CYP4F22: variants seen among roughly 807,000 people sequenced by gnomAD.
The protein encoded by CYP4F22 is ultra-long-chain fatty acid omega-hydroxylase.
Under a neutral mutation model 60.4 loss-of-function variants are expected in CYP4F22, and 37 were observed. The observed-to-expected ratio is 0.61, with a 90% CI of 0.47 to 0.81. The LOEUF (loss-of-function observed/expected upper bound fraction) is 0.81. Among genes scored for constraint, CYP4F22 ranks in the 30% least tolerant of loss-of-function variants. The pLI, the probability that CYP4F22 is intolerant of heterozygous loss-of-function variation, is 0.00. For synonymous variants in CYP4F22, 258 were observed against 280.5 expected, an observed-to-expected ratio of 0.92 and a Z score of 0.80; for missense variants, 655 against 715.0, an observed-to-expected ratio of 0.92 and a Z score of 0.96.
intron 6 of CYP4F22, 68 bp downstream of exon 6, chr19:15,537,730 C>T (rs1170725736): frequency 1.9e-6 from 3 of 1,606,936 alleles, no homozygotes; most frequent in Non-Finnish European, 2.5e-6. Context: ...CCAACTCATG[C>T]ATGGGCAAGC....
At chr19:15,541,401 T>C (rs1234686188) in intron 8 of CYP4F22, among the ~76,000 whole-genome samples, 2 of 152,168 alleles carry the variant, frequency 1.3e-5, no homozygotes, top group East Asian at 3.9e-4. Flanking sequence ...CCTGTCTCTG[T>C]CTTCGTCTCT....
chr19:15,537,329 T>C, intron 4 of CYP4F22, 32 bp from the exon 5 acceptor site: 1 of 1,613,622 alleles, frequency 6.2e-7, no homozygotes, highest in Non-Finnish European at 8.5e-7. Context: ...AAACTCTGTT[T>C]TGAGTCACCA....
chr19:15,520,766 G>GT (rs1480330668), intron 1 of CYP4F22, among the ~76,000 whole-genome samples: 1 of 129,792 alleles, frequency 7.7e-6, no homozygotes, highest in Admixed American at 7.8e-5. Flanking sequence ...ATTTTGTTTT[G>GT]TTTTTTTGTT....
chr19:15,548,287 T>C (rs1382218117), intron 11 of CYP4F22, 46 bp downstream of exon 11: 2 of 1,612,042 alleles, frequency 1.2e-6, no homozygotes, highest in Admixed American at 1.7e-5. Flanking sequence ...CCTCCAATGA[T>C]GTAGCTGCTC....
At chr19:15,536,366 G>A (rs1971394587) in intron 4 of CYP4F22, among the ~76,000 whole-genome samples, 1 of 152,134 alleles carries the variant, frequency 6.6e-6, no homozygotes, top group Admixed American at 6.6e-5. Context: ...AAGTTATGTG[G>A]TGTTAGTTCT....
At chr19:15,537,741 C>T in intron 6 of CYP4F22, 79 bp downstream of exon 6, 1 of 1,606,794 alleles carries the variant, frequency 6.2e-7, no homozygotes, top group Middle Eastern at 1.7e-4. Flanking sequence ...ATGGGCAAGC[C>T]ATGTGATGTC....
At position 15,540,508 on chromosome 19, in the gene CYP4F22, C is replaced by G; in HGVS notation, c.730C>G (p.Gln244Glu). 6.2e-7 allele frequency: 1 copy of G among 1,614,196 alleles called. No individual in the cohort carries two copies. Among genetic ancestry groups the G allele is most frequent in the Non-Finnish European group, 8.5e-7 (1 of 1,180,056 alleles). The change falls in exon 8 of 14, where the codon CAG becomes GAG. Residue 244 changes from glutamine to glutamate, a missense_variant. By Grantham distance (29) the Gln-to-Glu change is conservative. This residue lies in a region of CYP4F22 where 430 missense variants were observed against 457.1 expected (regional missense o/e 0.94). Coordinates refer to ENST00000269703, the MANE Select transcript of CYP4F22 (RefSeq NM_173483.4). ...ACTGAGCGCTCTGTCTGTCCGGCGC[C>G]AGTATCGCTTGCACCACTACCTCGA... ...IELSALSVRR[Q>E]YRLHHYLDFI...
At chr19:15,542,859 T>G (rs906878192) in intron 8 of CYP4F22, among the ~76,000 whole-genome samples, 6 of 152,134 alleles carry the variant, frequency 3.9e-5, no homozygotes, top group African/African-American at 1.4e-4. Context: ...CCAGCTCCAT[T>G]CAGGTCCCTG....
intron 1 of CYP4F22, among the ~76,000 whole-genome samples, chr19:15,511,941 C>T (rs1417352218): frequency 1.3e-5 from 2 of 152,192 alleles, no homozygotes; most frequent in Admixed American, 1.3e-4. Context: ...AATGCGGGCC[C>T]TGGCAGGGCA....
intron 10 of CYP4F22, among the ~76,000 whole-genome samples, chr19:15,547,254 A>G (rs1384648203): frequency 6.6e-6 from 1 of 150,620 alleles, no homozygotes; most frequent in Non-Finnish European, 1.5e-5. Flanking sequence ...TGAACTCCTG[A>G]CCTCAGACGA....
At position 15,526,431 on chromosome 19, in the gene CYP4F22, C is replaced by G. The variant is rs1425978105; in HGVS notation, c.222+873C>G. On this transcript the variant is annotated intron_variant, in intron 3 of 13. Coordinates refer to ENST00000269703, the MANE Select transcript of CYP4F22 (RefSeq NM_173483.4). ...CTGATCTTGAACTCCTAAGCTCAAG[C>G]AATCCTTTGGCCTCAGCCTGCTGAG... Among the ~76,000 whole-genome samples, 3 of 152,312 alleles carry G rather than the reference C, an allele frequency of 2.0e-5. No individual in the cohort carries two copies. In the East Asian group the frequency reaches 5.8e-4, roughly 29 times the overall value.
At chr19:15,546,935 TC>T (rs1971532360) in intron 10 of CYP4F22, among the ~76,000 whole-genome samples, 1 of 150,842 alleles carries the variant, frequency 6.6e-6, no homozygotes, top group Non-Finnish European at 1.5e-5. Flanking sequence ...GGTCACGAAC[TC>T]CTGGGCTCAA....
At chr19:15,510,250 G>A (rs919107041) in intron 1 of CYP4F22, among the ~76,000 whole-genome samples, 2 of 152,076 alleles carry the variant, frequency 1.3e-5, no homozygotes, top group African/African-American at 4.8e-5. Context: ...CCAAAGTGCT[G>A]GGATTACAGG....
At chr19:15,549,498 G>T (rs1340183724) in intron 12 of CYP4F22, among the ~76,000 whole-genome samples, 7 of 152,126 alleles carry the variant, frequency 4.6e-5, no homozygotes, top group Non-Finnish European at 1.0e-4. Flanking sequence ...ATAAGATTTT[G>T]GGTATTGATA....
At chr19:15,550,884 C>A in intron 13 of CYP4F22, 128 bp downstream of exon 13, 1 of 1,134,692 alleles carries the variant, frequency 8.8e-7, no homozygotes, top group Non-Finnish European at 1.3e-6. Flanking sequence ...ACCCAGCACC[C>A]TCTCCCCAAT....
chr19:15,519,199 T>C (rs888760914), intron 1 of CYP4F22, among the ~76,000 whole-genome samples: 2 of 151,884 alleles, frequency 1.3e-5, no homozygotes, highest in Admixed American at 6.6e-5. Context: ...AACGTGGCTC[T>C]TAGAAGCCCC....
At chr19:15,546,475 T>A (rs935062876) in intron 10 of CYP4F22, among the ~76,000 whole-genome samples, 3 of 152,170 alleles carry the variant, frequency 2.0e-5, no homozygotes, top group African/African-American at 7.2e-5. Context: ...TCCCAGCTGC[T>A]TGAGAAGCTG....
chr19:15,527,399 C>T (rs1466038454), intron 3 of CYP4F22, among the ~76,000 whole-genome samples: 3 of 152,222 alleles, frequency 2.0e-5, no homozygotes, highest in Non-Finnish European at 4.4e-5. Flanking sequence ...AAGGCTCCCA[C>T]CTCCAAGGCC....
At chr19:15,547,983 G>C (rs1971546107) in intron 10 of CYP4F22, 125 bp from the exon 11 acceptor site, 1 of 1,020,962 alleles carries the variant, frequency 9.8e-7, no homozygotes, top group Admixed American at 2.3e-5. Flanking sequence ...GAGAGAGAGA[G>C]AGAGAGAGAG....
Sources: gnomAD v4.1 joint callset for allele counts (sites outside exome capture counted in the v4.1 genomes callset) on GRCh38, gnomAD v4.1.1 for gene constraint, gnomAD v4.1.1 regional missense constraint, MANE v1.5 for transcripts, NCBI Gene and HGNC (gene_info 2026-07-23, HGNC 2026-07-21) for gene names.